Variants in TMTC1 observed in about 807,000 individuals in gnomAD.
TMTC1 encodes protein O-mannosyl-transferase TMTC1.
TMTC1 carries 73 observed loss-of-function variants against 104.8 expected under a neutral mutation model. The ratio of observed to expected loss-of-function variants is 0.70; its 90% CI spans 0.58 to 0.85. The LOEUF (loss-of-function observed/expected upper bound fraction) is 0.85. Among genes scored for constraint, TMTC1 ranks in the 40% least tolerant of loss-of-function variants. TMTC1 has a pLI of 0.00. For missense variants in TMTC1, 1,035 were observed against 1,096.1 expected (o/e 0.94, Z 0.79); for synonymous variants, 434 against 428.7 (o/e 1.01, Z -0.15).
At chr12:29,548,855 T>G (rs866915234) in intron 10 of TMTC1, among the ~76,000 whole-genome samples, 27 of 89,822 alleles carry the variant, frequency 3.0e-4, no homozygotes, top group Admixed American at 1.9e-3. Flanking sequence ...AAATATATAA[T>G]ATATAAATAT....
chr12:29,554,589 CCAGA>C (rs1945189409), intron 10 of TMTC1, among the ~76,000 whole-genome samples: 1 of 152,156 alleles, frequency 6.6e-6, no homozygotes, highest in Non-Finnish European at 1.5e-5. Context: ...AAGAAGCAGG[CCAGA>C]CACAGTGTCT....
At chr12:29,654,050 G>A (rs1419317042) in intron 5 of TMTC1, among the ~76,000 whole-genome samples, 1 of 152,178 alleles carries the variant, frequency 6.6e-6, no homozygotes, top group Non-Finnish European at 1.5e-5. Context: ...AGCCTTCTTA[G>A]ATATAGAAGA....
intron 10 of TMTC1, among the ~76,000 whole-genome samples, chr12:29,546,020 G>A (rs1944933775): frequency 6.6e-6 from 1 of 152,216 alleles, no homozygotes; most frequent in African/African-American, 2.4e-5. Context: ...TAATTTTGCA[G>A]TAGAACTGAG....
chr12:29,585,938 A>G (rs1946121670), intron 7 of TMTC1, among the ~76,000 whole-genome samples: 1 of 151,604 alleles, frequency 6.6e-6, no homozygotes, highest in African/African-American at 2.4e-5. Context: ...TTTTGGTTCC[A>G]TATGAACTTT....
intron 5 of TMTC1, among the ~76,000 whole-genome samples, chr12:29,644,279 G>C (rs1939167224): frequency 6.6e-6 from 1 of 150,814 alleles, no homozygotes; most frequent in African/African-American, 2.4e-5. Flanking sequence ...ACCAAACATC[G>C]TATGTTCTCA....
intron 5 of TMTC1, among the ~76,000 whole-genome samples, chr12:29,659,508 T>C (rs775316165): frequency 6.6e-6 from 1 of 152,182 alleles, no homozygotes; most frequent in African/African-American, 2.4e-5. Flanking sequence ...TCTTCGGCCA[T>C]GAATGGAAGC....
intron 5 of TMTC1, among the ~76,000 whole-genome samples, chr12:29,750,304 T>C (rs1453598233): frequency 1.3e-5 from 2 of 152,156 alleles, no homozygotes; most frequent in East Asian, 3.9e-4. Flanking sequence ...AAGCCTTCCC[T>C]GGCCAACCAA....
intron 5 of TMTC1, among the ~76,000 whole-genome samples, chr12:29,684,817 T>C (rs1017657871): frequency 3.9e-5 from 6 of 152,180 alleles, no homozygotes; most frequent in African/African-American, 1.4e-4. Context: ...CAGTTGGCTG[T>C]AATTATTATT....
chr12:29,775,987 A>T (rs1031766561), intron 1 of TMTC1, among the ~76,000 whole-genome samples: 13 of 152,170 alleles, frequency 8.5e-5, no homozygotes, highest in African/African-American at 2.7e-4. Context: ...CCAAGAATCC[A>T]GCACGAAGAC....
At chr12:29,725,864 A>C (rs1942374230) in intron 5 of TMTC1, among the ~76,000 whole-genome samples, 1 of 152,230 alleles carries the variant, frequency 6.6e-6, no homozygotes, top group Non-Finnish European at 1.5e-5. Flanking sequence ...TAATTGCTAA[A>C]ACTCAATATT....
chr12:29,768,176 T>G, intron 1 of TMTC1, 101 bp from the exon 2 acceptor site: 1 of 883,306 alleles, frequency 1.1e-6, no homozygotes, highest in Non-Finnish European at 1.7e-6. Context: ...GATAAGCTAT[T>G]AGATTAATGA....
intron 7 of TMTC1, among the ~76,000 whole-genome samples, chr12:29,600,390 G>C (rs1261411752): frequency 3.3e-5 from 5 of 152,066 alleles, no homozygotes; most frequent in African/African-American, 4.8e-5. Context: ...TTATAAAATG[G>C]CTTTGATGAA....
At chr12:29,634,920 C>T (rs182220244) in intron 5 of TMTC1, among the ~76,000 whole-genome samples, 161 of 152,276 alleles carry the variant, frequency 1.1e-3, no homozygotes, top group Non-Finnish European at 1.7e-3. Context: ...TCAGTTCTCT[C>T]CTCCCCTCCT....
intron 10 of TMTC1, among the ~76,000 whole-genome samples, chr12:29,536,983 G>T (rs929632405): frequency 6.6e-6 from 1 of 152,112 alleles, no homozygotes; most frequent in African/African-American, 2.4e-5. Context: ...GAGGACTCAA[G>T]GCCCAAAAGT....
At chr12:29,588,423 G>GC (rs1327149158) in intron 7 of TMTC1, among the ~76,000 whole-genome samples, 4 of 152,100 alleles carry the variant, frequency 2.6e-5, no homozygotes, top group Non-Finnish European at 5.9e-5. Flanking sequence ...AGCCTGCTTT[G>GC]CCCCCTGTTC....
At chr12:29,711,502 G>A (rs1167305902) in intron 5 of TMTC1, among the ~76,000 whole-genome samples, 1 of 152,116 alleles carries the variant, frequency 6.6e-6, no homozygotes, top group Admixed American at 6.5e-5. Context: ...TGCTGACCTA[G>A]GACGGGTGTT....
At chr12:29,758,801 A>G (rs914026140) in intron 2 of TMTC1, 24 bp from the exon 3 acceptor site, 16 of 1,578,364 alleles carry the variant, frequency 1.0e-5, no homozygotes, top group Non-Finnish European at 1.3e-5. Context: ...ATAATAAAAA[A>G]TGAAACTTCA....
chr12:29,590,922 C>A (rs1946265061), intron 7 of TMTC1, among the ~76,000 whole-genome samples: 1 of 152,180 alleles, frequency 6.6e-6, no homozygotes, highest in Non-Finnish European at 1.5e-5. Context: ...CAAATAAACT[C>A]CCTGCTTTAT....
intron 10 of TMTC1, among the ~76,000 whole-genome samples, 156 bp downstream of exon 10, chr12:29,556,701 G>T (rs1945253209): frequency 6.6e-6 from 1 of 152,178 alleles, no homozygotes; most frequent in East Asian, 1.9e-4. Flanking sequence ...ATAAGGAAAA[G>T]AAATTGAGAT....
Sources: gnomAD v4.1 joint callset for allele counts (sites outside exome capture counted in the v4.1 genomes callset) on GRCh38, gnomAD v4.1.1 for gene constraint, MANE v1.5 for transcripts, NCBI Gene and HGNC (gene_info 2026-07-23, HGNC 2026-07-21) for gene names.